CREBBP: variants seen among roughly 807,000 people sequenced by gnomAD.
The protein encoded by CREBBP is CREB-binding protein.
A neutral mutation model predicts 265.0 loss-of-function variants in CREBBP; 19 were observed. That is an observed-to-expected ratio of 0.07 (90% CI 0.05 to 0.11). The LOEUF is 0.11. CREBBP is among the 10% of genes least tolerant of loss of function. CREBBP has a pLI of 1.00. For missense variants in CREBBP, 2,525 were observed against 3,219.0 expected (o/e 0.78, Z 5.22); for synonymous variants, 1,457 against 1,223.7 (o/e 1.19, Z -3.98).
At chr16:3,859,671 G>A (rs890611875) in intron 1 of CREBBP, among the ~76,000 whole-genome samples, 1 of 152,040 alleles carries the variant, frequency 6.6e-6, no homozygotes, top group Non-Finnish European at 1.5e-5. Flanking sequence ...GATCACCAAC[G>A]GCCAATGGTT....
At chr16:3,760,462 G>C (rs1046523756) in intron 16 of CREBBP, among the ~76,000 whole-genome samples, 2 of 130,936 alleles carry the variant, frequency 1.5e-5, no homozygotes, top group African/African-American at 5.8e-5. Context: ...GAGTGCAGTG[G>C]TACGATCTCG....
At chr16:3,870,575 C>T (rs1016168222) in intron 1 of CREBBP, among the ~76,000 whole-genome samples, 2 of 152,084 alleles carry the variant, frequency 1.3e-5, no homozygotes, top group African/African-American at 4.8e-5. Context: ...CAAACGATTA[C>T]CCATTTTGTA....
rs28407999 is a variant in CREBBP at position 3,879,940 on chromosome 16, C to T, written c.-24G>A. Reference sequence around the variant, plus strand: ...ATTTTCACCTGCTCGCGAAAACAGCCCCGGGCACGGGCGGCCGGGCCGGCG... The same window carrying T: ...ATTTTCACCTGCTCGCGAAAACAGCTCCGGGCACGGGCGGCCGGGCCGGCG... On this transcript the variant is annotated 5_prime_UTR_variant, in exon 1 of 31. Transcript: ENST00000262367. 8.2e-4 allele frequency: 1,323 copies of T among 1,605,930 alleles called. 16 individuals are homozygous for T. In the African/African-American group the frequency reaches 0.016, roughly 19 times the overall value.
At chr16:3,802,592 G>A (rs766887753) in intron 3 of CREBBP, among the ~76,000 whole-genome samples, 1 of 151,954 alleles carries the variant, frequency 6.6e-6, no homozygotes, top group Non-Finnish European at 1.5e-5. Context: ...GGATAATAAC[G>A]CTTATCCTCA....
At chr16:3,748,077 T>C (rs1444481597) in intron 21 of CREBBP, among the ~76,000 whole-genome samples, 2 of 143,474 alleles carry the variant, frequency 1.4e-5, no homozygotes, top group African/African-American at 5.3e-5. Flanking sequence ...GCAACAAGAG[T>C]GAAACTCCAT....
intron 1 of CREBBP, among the ~76,000 whole-genome samples, chr16:3,875,681 A>C (rs2055385978): frequency 6.6e-6 from 1 of 152,180 alleles, no homozygotes; most frequent in African/African-American, 2.4e-5. Flanking sequence ...TTAGAAAATA[A>C]ATATATAGAG....
intron 16 of CREBBP, among the ~76,000 whole-genome samples, chr16:3,762,650 C>G (rs530947366): frequency 6.6e-6 from 1 of 152,194 alleles, no homozygotes; most frequent in Non-Finnish European, 1.5e-5. Context: ...CTCCCAAAAA[C>G]GCGGCTCTCG....
intron 5 of CREBBP, among the ~76,000 whole-genome samples, chr16:3,783,985 G>A (rs777033894): frequency 1.3e-5 from 2 of 152,162 alleles, no homozygotes; most frequent in Non-Finnish European, 2.9e-5. Context: ...ATGCTGTTGT[G>A]TGAAAATTTA....
chr16:3,839,680 G>A (rs1393380572), intron 2 of CREBBP, among the ~76,000 whole-genome samples: 1 of 125,010 alleles, frequency 8.0e-6, no homozygotes, highest in Non-Finnish European at 1.6e-5. Flanking sequence ...GAAACTATGG[G>A]GAAAGAAAGA....
At chr16:3,845,134 G>A (rs192159365) in intron 2 of CREBBP, among the ~76,000 whole-genome samples, 1 of 152,138 alleles carries the variant, frequency 6.6e-6, no homozygotes, top group African/African-American at 2.4e-5. Context: ...AACCCTGGCT[G>A]CCATGAAAGT....
rs1454205172 is a variant in CREBBP at position 3,726,425 on chromosome 16, TCGCCCACCTCA to T, written c.*1282_*1292del. The T allele has an allele frequency of 1.4e-3, 2 of 1,392 alleles. No individual in the cohort carries two copies. Among genetic ancestry groups the T allele is most frequent in the Non-Finnish European group, 2.4e-3 (2 of 830 alleles). The allele number at this position is 1,392 out of a possible 1,614,324, so 0.1% of individuals were successfully genotyped here. A position where few individuals can be genotyped will look rare whatever the true frequency, so the allele number is the denominator to read the frequency against. On this transcript the variant is annotated 3_prime_UTR_variant, in exon 31 of 31. Coordinates refer to ENST00000262367, the MANE Select transcript of CREBBP (RefSeq NM_004380.3). Reference sequence around the variant, plus strand: ...GCCAACGCTGAGCCGCCCACCTCAGTCGCCCACCTCAGTCTCCGGGAAGAAAAGCCTCCGGG... The same window carrying T: ...GCCAACGCTGAGCCGCCCACCTCAGTGTCTCCGGGAAGAAAAGCCTCCGGG...
At position 3,792,604 on chromosome 16, in the gene CREBBP, A is replaced by C. The variant is rs141283877; in HGVS notation, c.1217-510T>G. On this transcript the variant is annotated intron_variant, in intron 4 of 30. Transcript: ENST00000262367. ...CTGGTTATTCCGTCTTCATCTTCTA[A>C]AGGTCTAACCTTACCCTTCTCTGCT... Among the ~76,000 whole-genome samples, 23 of 152,258 alleles carry C rather than the reference A, an allele frequency of 1.5e-4. No individual in the cohort carries two copies. In the East Asian group the frequency reaches 4.4e-3, roughly 29 times the overall value.
intron 1 of CREBBP, among the ~76,000 whole-genome samples, chr16:3,861,824 G>A (rs1046465915): frequency 8.7e-5 from 13 of 148,974 alleles, no homozygotes; most frequent in African/African-American, 2.5e-4. Context: ...AAAATCTTCC[G>A]TAATTCAGGC....
intron 9 of CREBBP, 71 bp from the exon 10 acceptor site, chr16:3,778,253 G>T: frequency 7.7e-7 from 1 of 1,291,476 alleles, no homozygotes; most frequent in Non-Finnish European, 1.1e-6. Context: ...TGTGTTGTAG[G>T]TTCTAACTAA....
At chr16:3,869,942 C>A (rs555879921) in intron 1 of CREBBP, among the ~76,000 whole-genome samples, 3 of 152,174 alleles carry the variant, frequency 2.0e-5, no homozygotes, top group Non-Finnish European at 4.4e-5. Flanking sequence ...AGTTCAACTA[C>A]GGGCAGGTGT....
intron 6 of CREBBP, 125 bp downstream of exon 6, chr16:3,782,559 T>C: frequency 1.5e-6 from 2 of 1,298,712 alleles, no homozygotes; most frequent in Non-Finnish European, 2.1e-6. Context: ...TCCTGGGAGA[T>C]TTTTTATTTC....
chr16:3,779,461 A>G (rs980420291), intron 8 of CREBBP, among the ~76,000 whole-genome samples: 1 of 152,182 alleles, frequency 6.6e-6, no homozygotes, highest in Non-Finnish European at 1.5e-5. Context: ...CGTGGGGGCC[A>G]CTGCACCTGG....
intron 3 of CREBBP, among the ~76,000 whole-genome samples, chr16:3,798,078 A>T (rs1047980976): frequency 1.3e-5 from 2 of 152,206 alleles, no homozygotes; most frequent in Non-Finnish European, 2.9e-5. Context: ...CAAGGGAGGG[A>T]GGGATCGTTT....
chr16:3,864,923 G>A (rs746595659), intron 1 of CREBBP, among the ~76,000 whole-genome samples: 2 of 152,114 alleles, frequency 1.3e-5, no homozygotes, highest in Non-Finnish European at 2.9e-5. Context: ...AAAAATTAGC[G>A]GGGCATGGTA....
Sources: gnomAD v4.1 joint callset for allele counts (sites outside exome capture counted in the v4.1 genomes callset) on GRCh38, gnomAD v4.1.1 for gene constraint, MANE v1.5 for transcripts, NCBI Gene and HGNC (gene_info 2026-07-23, HGNC 2026-07-21) for gene names.